The following NLK variants were observed in gnomAD, a reference collection of about 807,000 sequenced individuals.
NLK encodes serine/threonine-protein kinase NLK.
A neutral mutation model predicts 59.0 loss-of-function variants in NLK; 11 were observed. The ratio of observed to expected loss-of-function variants is 0.19; its 90% CI spans 0.12 to 0.31. The LOEUF is 0.31. NLK is among the 10% of genes least tolerant of loss of function. The pLI, the probability that NLK is intolerant of heterozygous loss-of-function variation, is 1.00. For missense variants in NLK, 410 were observed against 661.1 expected, an observed-to-expected ratio of 0.62 and a Z score of 4.16; for synonymous variants, 235 against 235.9, an observed-to-expected ratio of 1.00 and a Z score of 0.03.
chr17:28,171,037 A>C (rs531598066), intron 6 of NLK, among the ~76,000 whole-genome samples: 1 of 152,326 alleles, frequency 6.6e-6, no homozygotes, highest in Non-Finnish European at 1.5e-5. Context: ...GACATCATAA[A>C]AGTGTTTCTC....
intron 2 of NLK, among the ~76,000 whole-genome samples, chr17:28,129,589 AT>A (rs1015816221): frequency 3.9e-5 from 6 of 152,340 alleles, no homozygotes; most frequent in African/African-American, 7.2e-5. Context: ...ATAAAAAAAA[AT>A]AATAATGATA....
intron 3 of NLK, among the ~76,000 whole-genome samples, chr17:28,145,034 TTAAG>T (rs1005637287): frequency 3.9e-5 from 6 of 152,238 alleles, no homozygotes; most frequent in Non-Finnish European, 8.8e-5. Context: ...CCTGTCATTA[TTAAG>T]TATTAATCAA....
At chr17:28,133,584 T>G (rs1304816266) in intron 3 of NLK, among the ~76,000 whole-genome samples, 1 of 152,136 alleles carries the variant, frequency 6.6e-6, no homozygotes, top group Admixed American at 6.5e-5. Context: ...TGAAAAAAAT[T>G]GAGACATAAG....
intron 3 of NLK, among the ~76,000 whole-genome samples, chr17:28,136,815 C>A (rs1906767724): frequency 6.6e-6 from 1 of 152,046 alleles, no homozygotes; most frequent in African/African-American, 2.4e-5. Context: ...GTTGACCACG[C>A]TGGTCTTGAA....
chr17:28,194,092 A>T (rs1295120429), intron 10 of NLK, among the ~76,000 whole-genome samples: 1 of 152,258 alleles, frequency 6.6e-6, no homozygotes, highest in Non-Finnish European at 1.5e-5. Flanking sequence ...TATAAGGCCC[A>T]TTCAAAATAG....
intron 3 of NLK, among the ~76,000 whole-genome samples, chr17:28,135,612 G>C (rs1185972174): frequency 1.3e-5 from 2 of 152,220 alleles, no homozygotes; most frequent in East Asian, 3.8e-4. Flanking sequence ...AATGTGCAGG[G>C]TTTGGACAGC....
At chr17:28,086,427 G>GT (rs1910517932) in intron 1 of NLK, among the ~76,000 whole-genome samples, 1 of 151,978 alleles carries the variant, frequency 6.6e-6, no homozygotes, top group Non-Finnish European at 1.5e-5. Context: ...CTGAAGTTCT[G>GT]TTTCTGAGGA....
At chr17:28,083,660 G>GT (rs1048479100) in intron 1 of NLK, among the ~76,000 whole-genome samples, 2 of 152,090 alleles carry the variant, frequency 1.3e-5, no homozygotes, top group African/African-American at 4.8e-5. Flanking sequence ...TTATATGTTT[G>GT]TTTTTAGTGT....
chr17:28,201,616 A>T, the NLK span, among the ~76,000 whole-genome samples: 7 of 152,300 alleles, frequency 4.6e-5, no homozygotes, highest in Admixed American at 2.0e-4. Flanking sequence ...TATGTATTTT[A>T]AAAAATGCTA....
chr17:28,042,764 C>A lies in NLK; in HGVS notation c.-110C>A. ...ACTTGTTTGGATTGACTGATGAAGACATAAAGCTCTATGTTTTTTGAGGTG... is the reference window on the plus strand; with the variant it reads ...ACTTGTTTGGATTGACTGATGAAGAAATAAAGCTCTATGTTTTTTGAGGTG... On this transcript the variant is annotated 5_prime_UTR_variant, in exon 1 of 11. Transcript: ENST00000407008. 1.0e-6 allele frequency: 1 copy of A among 990,762 alleles called. No individual in the cohort carries two copies. Among genetic ancestry groups the A allele is most frequent in the Non-Finnish European group, 1.4e-6 (1 of 692,082 alleles). The allele number at this position is 990,762 out of a possible 1,614,324, so 61.4% of individuals were successfully genotyped here.
rs1364403145 is a variant in NLK, at chr17:28,132,607, T to C, written c.589-13T>C. ...TTGTTCTCTAAATTTGACTTTTTTT[T>C]TCCTTTTCTCAGGTACTCTCTGCCC... On this transcript the variant is annotated splice_polypyrimidine_tract_variant and intron_variant, in intron 2 of 10. Coordinates refer to ENST00000407008, the MANE Select transcript of NLK (RefSeq NM_016231.5). The C allele has an allele frequency of 5.0e-6, 8 of 1,599,364 alleles. No homozygotes were observed.
At chr17:28,184,763 C>T (rs995464765) in intron 7 of NLK, among the ~76,000 whole-genome samples, 2 of 152,096 alleles carry the variant, frequency 1.3e-5, no homozygotes, top group Non-Finnish European at 2.9e-5. Flanking sequence ...GCCTGGCCAA[C>T]ATGGCAAAAC....
At chr17:28,054,000 C>T (rs541966502) in intron 1 of NLK, among the ~76,000 whole-genome samples, 2 of 152,288 alleles carry the variant, frequency 1.3e-5, no homozygotes, top group South Asian at 4.1e-4. Context: ...TCCCCACTTT[C>T]TTCTCCACTT....
chr17:28,137,473 T>A (rs1246450004), intron 3 of NLK, among the ~76,000 whole-genome samples: 1 of 152,048 alleles, frequency 6.6e-6, no homozygotes, highest in East Asian at 1.9e-4. Context: ...ATTAGAAAAA[T>A]TGGGATATAT....
At chr17:28,115,496 TTC>T (rs1184697650) in intron 1 of NLK, among the ~76,000 whole-genome samples, 2 of 152,232 alleles carry the variant, frequency 1.3e-5, no homozygotes, top group East Asian at 1.9e-4. Context: ...TTGATTATAT[TTC>T]TGTTTCATCT....
intron 1 of NLK, among the ~76,000 whole-genome samples, chr17:28,058,451 A>G (rs188332782): frequency 6.6e-6 from 1 of 152,330 alleles, no homozygotes; most frequent in African/African-American, 2.4e-5. Flanking sequence ...TGCTAATGTA[A>G]GTGCTTATAA....
intron 1 of NLK, among the ~76,000 whole-genome samples, chr17:28,090,302 A>C (rs1272926165): frequency 1.3e-5 from 2 of 152,178 alleles, no homozygotes; most frequent in Non-Finnish European, 2.9e-5. Flanking sequence ...TAAGCCCCAC[A>C]CTACATTGTT....
chr17:28,050,434 G>C (rs1909208606), intron 1 of NLK, among the ~76,000 whole-genome samples: 1 of 152,120 alleles, frequency 6.6e-6, no homozygotes, highest in Non-Finnish European at 1.5e-5. Context: ...AGCATATGTG[G>C]ACATATAGCA....
intron 10 of NLK, among the ~76,000 whole-genome samples, chr17:28,193,502 C>T (rs1270402608): frequency 6.6e-6 from 1 of 152,174 alleles, no homozygotes; most frequent in Admixed American, 6.5e-5. Flanking sequence ...TACAGCCTTG[C>T]AAATGCCCTT....
Sources: allele counts gnomAD v4.1 joint callset (sites outside exome capture counted in the v4.1 genomes callset), GRCh38; gene constraint gnomAD v4.1.1; transcripts MANE v1.5; gene names NCBI Gene and HGNC (gene_info 2026-07-23, HGNC 2026-07-21).